TOM1L1: variants seen among roughly 807,000 people sequenced by gnomAD.
The protein encoded by TOM1L1 is TOM1-like protein 1.
Under a neutral mutation model 63.4 loss-of-function variants are expected in TOM1L1, and 64 were observed. The ratio of observed to expected loss-of-function variants is 1.01; its 90% CI spans 0.83 to 1.24. The LOEUF (loss-of-function observed/expected upper bound fraction) is 1.24, where lower values mean the gene tolerates loss of function less well. TOM1L1 is among the 50% of genes most tolerant of loss of function. TOM1L1 has a pLI of 0.00. For synonymous variants in TOM1L1, 166 were observed against 194.4 expected, an observed-to-expected ratio of 0.85 and a Z score of 1.22; for missense variants, 536 against 567.0, an observed-to-expected ratio of 0.95 and a Z score of 0.55.
At chr17:54,902,073 A>T (rs1464119780) in intron 1 of TOM1L1, among the ~76,000 whole-genome samples, 1 of 152,166 alleles carries the variant, frequency 6.6e-6, no homozygotes, top group Non-Finnish European at 1.5e-5. Flanking sequence ...CCAAGGTGAG[A>T]CGTGGTCTCA....
intron 14 of TOM1L1, among the ~76,000 whole-genome samples, chr17:54,958,883 T>C (rs1289937820): frequency 1.3e-5 from 2 of 152,026 alleles, no homozygotes; most frequent in Non-Finnish European, 2.9e-5. Context: ...GGATCTGGCA[T>C]AGAAGGAGAG....
chr17:54,958,748 A>AAAAAAAAAAAAAAAAAAAAG lies in TOM1L1; in HGVS notation c.1371-1818_1371-1817insAAAAAAAAAAAAAAAAAAAG, dbSNP rs372776781. Among the ~76,000 whole-genome samples, 3 of 118,928 alleles carry AAAAAAAAAAAAAAAAAAAAG rather than the reference A, an allele frequency of 2.5e-5. 1 individual carries two copies. The highest frequency in any genetic ancestry group is 9.3e-5 in the African/African-American group (3 of 32,146). The allele number at this position is 118,928 out of a possible 152,430, so 78.0% of individuals were successfully genotyped here. A position where few individuals can be genotyped will look rare whatever the true frequency, so the allele number is the denominator to read the frequency against. On this transcript the variant is annotated intron_variant, in intron 14 of 15. Transcript: ENST00000575882. Reference sequence around the variant, plus strand: ...TCCATCTCAAAAAAAAAAAAAAAAAAGGGGTTGTTGGTAGCTAGAGGATAC... The same window carrying AAAAAAAAAAAAAAAAAAAAG: ...TCCATCTCAAAAAAAAAAAAAAAAAAAAAAAAAAAAAAAAAAAAAGGGGGTTGTTGGTAGCTAGAGGATAC...
intron 8 of TOM1L1, among the ~76,000 whole-genome samples, chr17:54,930,822 A>G (rs980550585): frequency 1.3e-5 from 2 of 152,142 alleles, no homozygotes; most frequent in African/African-American, 4.8e-5. Flanking sequence ...AGCCTTGGCA[A>G]TAGAGTGAGA....
At chr17:54,920,258 A>G (rs1170544088) in intron 7 of TOM1L1, among the ~76,000 whole-genome samples, 1 of 152,172 alleles carries the variant, frequency 6.6e-6, no homozygotes, top group Non-Finnish European at 1.5e-5. Flanking sequence ...GCCCACGGGC[A>G]TACTCTGATG....
chr17:54,950,317 A>G (rs2049198121), intron 14 of TOM1L1, among the ~76,000 whole-genome samples, 191 bp downstream of exon 14: 1 of 152,190 alleles, frequency 6.6e-6, no homozygotes, highest in South Asian at 2.1e-4. Flanking sequence ...CCTTGTGACT[A>G]AAAAATAAAA....
chr17:54,933,245 A>G (rs917201004), intron 8 of TOM1L1, among the ~76,000 whole-genome samples: 1 of 152,002 alleles, frequency 6.6e-6, no homozygotes, highest in Non-Finnish European at 1.5e-5. Flanking sequence ...AAAGCCAACC[A>G]TGTCTAGTTC....
intron 7 of TOM1L1, among the ~76,000 whole-genome samples, chr17:54,926,531 G>C (rs1057004754): frequency 4.6e-5 from 7 of 152,024 alleles, no homozygotes; most frequent in Non-Finnish European, 7.4e-5. Flanking sequence ...TTAGAATAAA[G>C]GGAGCTCAGA....
chr17:54,926,263 C>T (rs1009874100), intron 7 of TOM1L1, among the ~76,000 whole-genome samples: 3 of 152,110 alleles, frequency 2.0e-5, no homozygotes, highest in African/African-American at 7.2e-5. Context: ...TGAAGTGGAA[C>T]GTGATGATTC....
At chr17:54,938,663 C>A in intron 10 of TOM1L1, 1 of 338,952 alleles carries the variant, frequency 3.0e-6, no homozygotes, top group Non-Finnish European at 5.3e-6. Context: ...TATTTGTTAC[C>A]CTTACAACAA....
In TOM1L1 at chr17:54,928,577, T is replaced by G. The variant is rs570151772; in HGVS notation, c.721-1496T>G. ...TTAGAACATGGCCACACCCAGTTAT[T>G]TATATATTTTCCAGGGTTGCTTTTA... is the stretch of plus-strand genomic sequence containing the variant. On this transcript the variant is annotated intron_variant, in intron 7 of 15. Transcript: ENST00000575882. 2.0e-5 allele frequency among the ~76,000 whole-genome samples: 3 copies of G among 152,248 alleles called. No homozygotes were observed. The East Asian group carries it at 5.8e-4, about 29-fold the overall frequency.
intron 2 of TOM1L1, among the ~76,000 whole-genome samples, chr17:54,904,369 CAAA>C (rs1165559722): frequency 1.3e-4 from 10 of 78,164 alleles, no homozygotes; most frequent in Admixed American, 1.3e-4. Context: ...GACTCTATCT[CAAA>C]AAAAAAAAAA....
At chr17:54,914,092 CCTAGA>C (rs1403987311) in intron 5 of TOM1L1, among the ~76,000 whole-genome samples, 1 of 152,042 alleles carries the variant, frequency 6.6e-6, no homozygotes, top group African/African-American at 2.4e-5. Flanking sequence ...CATGTTCCAC[CCTAGA>C]CTAATCAGAA....
chr17:54,937,219 A>C lies in TOM1L1; in HGVS notation c.1026A>C (p.Ser342=). Residue 342 remains serine (S), a synonymous_variant, in exon 10 of 16, where the codon TCA becomes TCC. Coordinates refer to ENST00000575882, the MANE Select transcript of TOM1L1 (RefSeq NM_005486.3). Reference sequence around the variant, plus strand: ...TCAACACCATGAATAATCAACTTTCAGGCTTAAGTAAATAAACACTCAGGT... The same window carrying C: ...TCAACACCATGAATAATCAACTTTCCGGCTTAAGTAAATAAACACTCAGGT... ...GELNTMNNQL[S]GLNFSLPSSD... 6.2e-7 allele frequency: 1 copy of C among 1,609,846 alleles called. No homozygotes were observed.
intron 3 of TOM1L1, among the ~76,000 whole-genome samples, chr17:54,907,153 C>CT (rs74686562): frequency 0.31 from 42,482 of 137,188 alleles, 7,137 homozygotes; most frequent in African/African-American, 0.43. Context: ...CCCCCTTCAC[C>CT]TTTTTTTTTT....
chr17:54,913,274 T>C (rs1200539106), intron 4 of TOM1L1, among the ~76,000 whole-genome samples: 1 of 152,224 alleles, frequency 6.6e-6, no homozygotes, highest in Non-Finnish European at 1.5e-5. Context: ...TCCTAGCCTT[T>C]GAAAATGAGC....
At position 54,960,645 on chromosome 17, in the gene TOM1L1, T is replaced by C. The variant is rs757718694; in HGVS notation, c.*1+18T>C. The C allele has an allele frequency of 5.8e-6, 9 of 1,560,740 alleles. No individual in the cohort carries two copies. Among genetic ancestry groups the C allele is most frequent in the Non-Finnish European group, 7.1e-6 (8 of 1,132,412 alleles). ...TGACTGAGGTAAAGACTTCAACTTA[T>C]ACAACTTAATTCCATATTCCATATA... is the stretch of plus-strand genomic sequence containing the variant. On this transcript the variant is annotated intron_variant, in intron 15 of 15. Transcript: ENST00000575882.
chr17:54,951,586 A>G (rs1329023750), intron 14 of TOM1L1, among the ~76,000 whole-genome samples: 2 of 152,246 alleles, frequency 1.3e-5, no homozygotes, highest in East Asian at 3.9e-4. Flanking sequence ...TTATAACAAA[A>G]GACTGTAACA....
intron 10 of TOM1L1, 148 bp downstream of exon 10, chr17:54,937,374 G>A: frequency 1.5e-6 from 1 of 669,450 alleles, no homozygotes; most frequent in Non-Finnish European, 2.6e-6. Context: ...TTACTTCCCG[G>A]CAAATGGTTG....
intron 11 of TOM1L1, among the ~76,000 whole-genome samples, chr17:54,942,918 G>C (rs2049054968): frequency 6.6e-6 from 1 of 152,198 alleles, no homozygotes; most frequent in Non-Finnish European, 1.5e-5. Context: ...TGTCATTCAA[G>C]TAGAATTATA....
Sources: allele counts gnomAD v4.1 joint callset (sites outside exome capture counted in the v4.1 genomes callset), GRCh38; gene constraint gnomAD v4.1.1; transcripts MANE v1.5; gene names NCBI Gene and HGNC (gene_info 2026-07-23, HGNC 2026-07-21).